The following SLIT3 variants were observed in gnomAD, a reference collection of about 807,000 sequenced individuals.
The protein encoded by SLIT3 is slit homolog 3 protein.
In SLIT3, 68 loss-of-function variants were observed where a neutral mutation model predicts 184.0. The observed-to-expected ratio is 0.37, with a 90% confidence interval of 0.30 to 0.45. SLIT3 has a LOEUF of 0.45. Among genes scored for constraint, SLIT3 ranks in the 20% least tolerant of loss-of-function variants. SLIT3 has a pLI of 1.00. For synonymous variants in SLIT3, 831 were observed against 828.6 expected (o/e 1.00, Z -0.05); for missense variants, 1,707 against 2,026.0 (o/e 0.84, Z 3.02).
chr5:168,905,231 C>G (rs1443384650), intron 4 of SLIT3, among the ~76,000 whole-genome samples: 3 of 151,994 alleles, frequency 2.0e-5, no homozygotes, highest in African/African-American at 7.3e-5. Context: ...CAGAGGTGCA[C>G]CCATGAAGCA....
chr5:169,086,550 C>T (rs1022972827), intron 4 of SLIT3, among the ~76,000 whole-genome samples: 2 of 152,158 alleles, frequency 1.3e-5, no homozygotes, highest in African/African-American at 4.8e-5. Context: ...ACATTAGAAC[C>T]ATTCAGAGAT....
intron 4 of SLIT3, among the ~76,000 whole-genome samples, chr5:168,948,857 G>A (rs1430045771): frequency 6.6e-6 from 1 of 152,168 alleles, no homozygotes; most frequent in Non-Finnish European, 1.5e-5. Context: ...GAAATCATTG[G>A]TGGGGACTAA....
chr5:169,051,840 G>A (rs1757825896), intron 4 of SLIT3, among the ~76,000 whole-genome samples: 1 of 152,128 alleles, frequency 6.6e-6, no homozygotes, highest in Admixed American at 6.5e-5. Context: ...AAGGAAGAGA[G>A]TGAAAGAGGG....
chr5:168,924,268 C>T (rs1264607492), intron 4 of SLIT3, among the ~76,000 whole-genome samples: 1 of 152,168 alleles, frequency 6.6e-6, no homozygotes, highest in African/African-American at 2.4e-5. Context: ...TTCTGGGGCA[C>T]AGACTTTTGG....
At chr5:168,784,994 C>G (rs1756102919) in intron 12 of SLIT3, among the ~76,000 whole-genome samples, 1 of 152,036 alleles carries the variant, frequency 6.6e-6, no homozygotes, top group South Asian at 2.1e-4. Flanking sequence ...TTTCCAGTTT[C>G]CATACCTATT....
At chr5:169,121,610 G>T (rs1023556399) in intron 4 of SLIT3, among the ~76,000 whole-genome samples, 1 of 152,142 alleles carries the variant, frequency 6.6e-6, no homozygotes, top group African/African-American at 2.4e-5. Flanking sequence ...TCTATGAGGT[G>T]AAAACAATCT....
chr5:169,059,849 A>T (rs1190082167), intron 4 of SLIT3, among the ~76,000 whole-genome samples: 3 of 152,198 alleles, frequency 2.0e-5, no homozygotes, highest in African/African-American at 4.8e-5. Flanking sequence ...AAATTCATAT[A>T]TTGAAATTCT....
chr5:168,686,811 G>T (rs183137208), intron 30 of SLIT3, among the ~76,000 whole-genome samples, 168 bp downstream of exon 30: 53 of 152,358 alleles, frequency 3.5e-4, no homozygotes, highest in Non-Finnish European at 6.5e-4. Context: ...TTTCCCTCAT[G>T]GGGACATGTA....
At chr5:168,754,493 A>G (rs1754828660) in intron 16 of SLIT3, among the ~76,000 whole-genome samples, 1 of 152,140 alleles carries the variant, frequency 6.6e-6, no homozygotes, top group South Asian at 2.1e-4. Flanking sequence ...GGAAGGTTTG[A>G]GGGAGATGAA....
chr5:168,924,028 A>C (rs1338719117), intron 4 of SLIT3, among the ~76,000 whole-genome samples: 1 of 152,250 alleles, frequency 6.6e-6, no homozygotes, highest in Non-Finnish European at 1.5e-5. Flanking sequence ...GCCTAAAATA[A>C]TATCTGGTCC....
intron 4 of SLIT3, among the ~76,000 whole-genome samples, chr5:168,978,677 C>G (rs1754847510): frequency 6.6e-6 from 1 of 152,192 alleles, no homozygotes; most frequent in Non-Finnish European, 1.5e-5. Flanking sequence ...AATCCACTGC[C>G]TCTCATTATT....
chr5:168,789,235 C>T (rs1008463858), intron 11 of SLIT3, among the ~76,000 whole-genome samples: 19 of 65,084 alleles, frequency 2.9e-4, no homozygotes, highest in Admixed American at 2.5e-3. Flanking sequence ...AGAAAGATAG[C>T]GCTGCGGTGG....
intron 4 of SLIT3, among the ~76,000 whole-genome samples, chr5:168,908,288 A>G (rs1761143539): frequency 1.3e-5 from 2 of 152,094 alleles, no homozygotes; most frequent in Admixed American, 1.3e-4. Context: ...GATGCTTAGC[A>G]GTGGTAGACG....
intron 5 of SLIT3, among the ~76,000 whole-genome samples, chr5:168,870,162 C>A (rs1053332104): frequency 6.6e-6 from 1 of 152,276 alleles, no homozygotes; most frequent in Non-Finnish European, 1.5e-5. Context: ...GCACTCTGCA[C>A]AAGCAACTTA....
At chr5:169,099,576 C>T (rs1464807390) in intron 4 of SLIT3, among the ~76,000 whole-genome samples, 3 of 152,122 alleles carry the variant, frequency 2.0e-5, no homozygotes, top group Non-Finnish European at 2.9e-5. Context: ...GATTATTAGC[C>T]CTATCTTACA....
At chr5:169,181,543 C>G (rs1019563548) in intron 4 of SLIT3, among the ~76,000 whole-genome samples, 2 of 151,960 alleles carry the variant, frequency 1.3e-5, no homozygotes, top group Admixed American at 1.3e-4. Flanking sequence ...AGATCGAGAC[C>G]ATCCTGGCCA....
At chr5:168,926,995 C>T (rs770503282) in intron 4 of SLIT3, among the ~76,000 whole-genome samples, 38 of 152,146 alleles carry the variant, frequency 2.5e-4, no homozygotes, top group Non-Finnish European at 4.6e-4. Flanking sequence ...AACAGAATTA[C>T]CATACGATCC....
chr5:169,088,397 ATTTT>A (rs35908644), intron 4 of SLIT3, among the ~76,000 whole-genome samples: 11 of 135,966 alleles, frequency 8.1e-5, no homozygotes, highest in Non-Finnish European at 9.6e-5. Context: ...TTTTTCTTCG[ATTTT>A]TTTTTTTTTT....
chr5:169,097,527 G>T (rs934719114), intron 4 of SLIT3, among the ~76,000 whole-genome samples: 1 of 152,222 alleles, frequency 6.6e-6, no homozygotes, highest in Admixed American at 6.5e-5. Flanking sequence ...TTTCAAAATT[G>T]TATTTATCCA....
Sources: gnomAD v4.1 joint callset for allele counts (sites outside exome capture counted in the v4.1 genomes callset) on GRCh38, gnomAD v4.1.1 for gene constraint, MANE v1.5 for transcripts, NCBI Gene and HGNC (gene_info 2026-07-23, HGNC 2026-07-21) for gene names.